The following FRRS1 variants were observed in gnomAD, a reference collection of about 807,000 sequenced individuals.
FRRS1 encodes ferric reductase 1.
A neutral mutation model predicts 70.7 loss-of-function variants in FRRS1; 51 were observed. The ratio of observed to expected loss-of-function variants is 0.72; its 90% confidence interval spans 0.58 to 0.91. The LOEUF (loss-of-function observed/expected upper bound fraction) is 0.91. Among genes scored for constraint, FRRS1 ranks in the 40% least tolerant of loss-of-function variants. The probability of loss-of-function intolerance (pLI) is 0.00; values close to 1 mark genes in which losing one functional copy is unlikely to be tolerated. For synonymous variants in FRRS1, 225 were observed against 238.7 expected (o/e 0.94, Z 0.53); for missense variants, 672 against 726.0 (o/e 0.93, Z 0.86).
rs1654160214 is a variant in FRRS1 at position 99,709,185 on chromosome 1, G to A, written c.1686+13C>T. 6.2e-7 allele frequency: 1 copy of A among 1,609,006 alleles called. No individual in the cohort carries two copies. Among genetic ancestry groups the A allele is most frequent in the Non-Finnish European group, 8.5e-7 (1 of 1,175,868 alleles). On this transcript the variant is annotated intron_variant, in intron 16 of 16. Transcript: ENST00000646001. ...CATTAAGGTTTGTGTCAATGAACAA[G>A]AAAAGGACTTACCTCTGTTTCCACT... is the stretch of plus-strand genomic sequence containing the variant.
At position 99,761,281 on chromosome 1, in the gene FRRS1, C is replaced by T. The variant is rs867750576; in HGVS notation, c.-106+5326G>A. Among the ~76,000 whole-genome samples the T allele has an allele frequency of 6.6e-5, 10 of 152,192 alleles. No individual in the cohort carries two copies. The South Asian group carries it at 2.1e-3, about 32-fold the overall frequency. On this transcript the variant is annotated intron_variant, in intron 1 of 16. Coordinates refer to ENST00000646001, the MANE Select transcript of FRRS1 (RefSeq NM_001361041.2). Reference sequence around the variant, plus strand: ...AGCTGGGACCACAGGTGCATACCACCATGCCCAGCTAATTTTTTAATTTTT... The same window carrying T: ...AGCTGGGACCACAGGTGCATACCACTATGCCCAGCTAATTTTTTAATTTTT...
intron 7 of FRRS1, 119 bp downstream of exon 7, chr1:99,737,967 T>C: frequency 1.3e-6 from 1 of 763,172 alleles, no homozygotes; most frequent in Non-Finnish European, 2.1e-6. Context: ...GGTCTTGAAC[T>C]CCCGACCTCG....
chr1:99,723,469 T>G (rs1278989091), intron 9 of FRRS1, among the ~76,000 whole-genome samples: 1 of 151,968 alleles, frequency 6.6e-6, no homozygotes, highest in African/African-American at 2.4e-5. Flanking sequence ...TGAGCAGTGA[T>G]TGCACCACTG....
chr1:99,750,573 A>G (rs1359884180), intron 1 of FRRS1, among the ~76,000 whole-genome samples: 1 of 152,182 alleles, frequency 6.6e-6, no homozygotes. Flanking sequence ...GATCAAAAAC[A>G]CTTTAAAAGA....
chr1:99,719,302 G>A lies in FRRS1; in HGVS notation c.1120+232C>T, dbSNP rs564501634. Among the ~76,000 whole-genome samples, 5 of 151,746 alleles carry A rather than the reference G, an allele frequency of 3.3e-5. No individual in the cohort carries two copies. In the South Asian group the frequency reaches 6.3e-4, roughly 19 times the overall value. On this transcript the variant is annotated intron_variant, in intron 10 of 16. Coordinates refer to ENST00000646001, the MANE Select transcript of FRRS1 (RefSeq NM_001361041.2). Reference sequence around the variant, plus strand: ...CAGGCTCCTGTAATCCCAGCTACTCGGGAGTCTGAGGCAGGAGAATGGTGT... The same window carrying A: ...CAGGCTCCTGTAATCCCAGCTACTCAGGAGTCTGAGGCAGGAGAATGGTGT...
At chr1:99,711,183 C>T (rs184162078) in intron 14 of FRRS1, among the ~76,000 whole-genome samples, 39 of 152,254 alleles carry the variant, frequency 2.6e-4, no homozygotes, top group African/African-American at 9.1e-4. Flanking sequence ...GGGCATATTG[C>T]GTAATAATGC....
chr1:99,747,985 T>C (rs1656369076), intron 3 of FRRS1: 1 of 152,762 alleles, frequency 6.5e-6, no homozygotes, highest in African/African-American at 2.4e-5. Context: ...AGAAAAACAC[T>C]GGATGAAAGT....
intron 7 of FRRS1, among the ~76,000 whole-genome samples, chr1:99,737,867 C>A (rs753162479): frequency 6.6e-6 from 1 of 151,930 alleles, no homozygotes; most frequent in East Asian, 1.9e-4. Flanking sequence ...CTCAGCCTCC[C>A]GTGCAGCCGG....
chr1:99,712,100 C>G lies in FRRS1; in HGVS notation c.1480+5G>C. ...ATATGAATAAGTGGCATCACAATCT[C>G]TTACCTGCTATTATTCTAGCAGCTG... On this transcript the variant is annotated splice_donor_5th_base_variant and intron_variant, in intron 14 of 16. Coordinates refer to ENST00000646001, the MANE Select transcript of FRRS1 (RefSeq NM_001361041.2). The G allele has an allele frequency of 1.9e-6, 3 of 1,592,164 alleles. No homozygotes were observed. Among genetic ancestry groups the G allele is most frequent in the Non-Finnish European group, 2.6e-6 (3 of 1,163,030 alleles).
At chr1:99,740,198 C>T (rs900552681) in intron 6 of FRRS1, among the ~76,000 whole-genome samples, 3 of 150,250 alleles carry the variant, frequency 2.0e-5, no homozygotes, top group Non-Finnish European at 4.4e-5. Context: ...CTTTTGATAT[C>T]TGGCTGTGTT....
At chr1:99,720,107 G>T (rs1654740993) in intron 9 of FRRS1, among the ~76,000 whole-genome samples, 1 of 152,146 alleles carries the variant, frequency 6.6e-6, no homozygotes, top group South Asian at 2.1e-4. Flanking sequence ...AAAGAGGATG[G>T]TTGGAAGACA....
chr1:99,728,677 C>A, intron 8 of FRRS1, 37 bp from the exon 9 acceptor site: 1 of 1,580,816 alleles, frequency 6.3e-7, no homozygotes. Flanking sequence ...CAGCACTTTC[C>A]AAAGATTTGC....
intron 1 of FRRS1, among the ~76,000 whole-genome samples, chr1:99,751,271 G>C (rs1656554890): frequency 6.6e-6 from 1 of 152,048 alleles, no homozygotes; most frequent in Non-Finnish European, 1.5e-5. Flanking sequence ...GGTTCCCCCG[G>C]TTCTTAGGCC....
At chr1:99,722,006 T>C (rs1654856372) in intron 9 of FRRS1, among the ~76,000 whole-genome samples, 1 of 151,810 alleles carries the variant, frequency 6.6e-6, no homozygotes, top group South Asian at 2.1e-4. Flanking sequence ...ATTTATTTTA[T>C]TTTATTATTA....
rs1394503190 is a variant in FRRS1 at position 99,738,155 on chromosome 1, C to T, written c.690G>A (p.Ser230=). 11 of 1,613,736 alleles carry T rather than the reference C, an allele frequency of 6.8e-6. No individual in the cohort carries two copies. The highest frequency in any genetic ancestry group is 9.3e-6 in the Non-Finnish European group (11 of 1,179,766). ...TGGGGCCGCTCATTTCAACCATCAC[C>T]GATTGGTCATCTCTTGTGAAGGACA... ...VFLSFTRDDQ[S]VMVEMSGPSK... Residue 230 remains serine, a synonymous_variant, in exon 7 of 17, where the codon TCG becomes TCA. Coordinates refer to ENST00000646001, the MANE Select transcript of FRRS1 (RefSeq NM_001361041.2).
At chr1:99,743,916 A>G (rs757297202) in intron 4 of FRRS1, among the ~76,000 whole-genome samples, 38 of 152,204 alleles carry the variant, frequency 2.5e-4, no homozygotes, top group Non-Finnish European at 5.1e-4. Flanking sequence ...AAGTGCCACT[A>G]GTGATGCGGT....
chr1:99,715,281 T>C (rs1654463967), intron 12 of FRRS1, among the ~76,000 whole-genome samples: 1 of 152,216 alleles, frequency 6.6e-6, no homozygotes, highest in Non-Finnish European at 1.5e-5. Flanking sequence ...ACATTGTTCA[T>C]GTTCCTTAGA....
intron 1 of FRRS1, among the ~76,000 whole-genome samples, chr1:99,750,985 T>A (rs1462410807): frequency 6.6e-6 from 1 of 152,198 alleles, no homozygotes; most frequent in Non-Finnish European, 1.5e-5. Flanking sequence ...TGTCTATGAA[T>A]GTATTTCTAA....
In FRRS1 at chr1:99,715,600, C is replaced by G; in HGVS notation, c.1309G>C (p.Gly437Arg). The G allele has an allele frequency of 6.2e-7, 1 of 1,609,414 alleles. No homozygotes were observed. Reference sequence around the variant, plus strand: ...GATATACTTACCCTACTCCAGCCTCCCCTGTATATAAACGGCATAACAAAA... The same window carrying G: ...GATATACTTACCCTACTCCAGCCTCGCCTGTATATAAACGGCATAACAAAA... ...IAFVMPFIYR[G>R]GWSRHAGYHP... Residue 437 changes from glycine (G) to arginine (R), a missense_variant, in exon 12 of 17, where the codon GGA becomes CGA. By Grantham distance (125) the Gly-to-Arg change is moderately radical (BLOSUM62 -2). Transcript: ENST00000646001.
Sources: allele counts gnomAD v4.1 joint callset (sites outside exome capture counted in the v4.1 genomes callset), GRCh38; gene constraint gnomAD v4.1.1; transcripts MANE v1.5; gene names NCBI Gene and HGNC (gene_info 2026-07-23, HGNC 2026-07-21).